Variants in MALRD1 observed in about 807,000 individuals in gnomAD.
The protein encoded by MALRD1 is MAM and LDL receptor class A domain containing 1.
A neutral mutation model predicts 242.1 loss-of-function variants in MALRD1; 247 were observed. The ratio of observed to expected loss-of-function variants is 1.02; its 90% CI spans 0.92 to 1.13. MALRD1 has a LOEUF of 1.13. Among genes scored for constraint, MALRD1 ranks in the 50% most tolerant of loss-of-function variants. MALRD1 has a pLI of 0.00. For missense variants in MALRD1, 2,989 were observed against 2,533.1 expected (o/e 1.18, Z -3.86); for synonymous variants, 995 against 866.6 (o/e 1.15, Z -2.60).
At chr10:19,072,491 G>A (rs1166436944) in intron 2 of MALRD1, among the ~76,000 whole-genome samples, 5 of 152,042 alleles carry the variant, frequency 3.3e-5, no homozygotes, top group African/African-American at 1.2e-4. Flanking sequence ...TTAACTCATA[G>A]GATATGCAAA....
chr10:19,558,912 G>A (rs574502882), intron 32 of MALRD1, among the ~76,000 whole-genome samples: 33 of 151,952 alleles, frequency 2.2e-4, no homozygotes, highest in Admixed American at 7.9e-4. Flanking sequence ...GGCTGGGTGC[G>A]GTGGCTCACA....
intron 24 of MALRD1, among the ~76,000 whole-genome samples, chr10:19,341,047 A>G (rs376532244): frequency 6.6e-6 from 1 of 152,254 alleles, no homozygotes; most frequent in South Asian, 2.1e-4. Flanking sequence ...TTCCTTGTCA[A>G]CATAAGCAAA....
intron 4 of MALRD1, among the ~76,000 whole-genome samples, chr10:19,098,887 C>T (rs1469313023): frequency 2.6e-5 from 4 of 152,050 alleles, no homozygotes; most frequent in Non-Finnish European, 4.4e-5. Flanking sequence ...CTTGAGGAAG[C>T]GGTGTCTGAT....
intron 18 of MALRD1, among the ~76,000 whole-genome samples, chr10:19,217,533 T>C (rs1048168223): frequency 8.8e-5 from 3 of 34,076 alleles, no homozygotes; most frequent in Admixed American, 5.9e-4. Flanking sequence ...TCATGCAGTC[T>C]TTTTTTTTTT....
At chr10:19,246,346 G>A (rs572076929) in intron 18 of MALRD1, among the ~76,000 whole-genome samples, 10 of 151,926 alleles carry the variant, frequency 6.6e-5, no homozygotes, top group Non-Finnish European at 1.3e-4. Context: ...TTACTTTCTG[G>A]GGATACTGTC....
At chr10:19,505,618 C>G (rs1833085192) in intron 31 of MALRD1, among the ~76,000 whole-genome samples, 1 of 152,168 alleles carries the variant, frequency 6.6e-6, no homozygotes, top group African/African-American at 2.4e-5. Flanking sequence ...GCAGTGCTAG[C>G]AGACTAATAC....
intron 13 of MALRD1, 24 bp downstream of exon 13, chr10:19,165,834 A>C (rs1052308300): frequency 8.1e-7 from 1 of 1,229,600 alleles, no homozygotes. Flanking sequence ...AAATTAATAC[A>C]ACTCAACAGA....
At chr10:19,526,838 G>C (rs1834123201) in intron 31 of MALRD1, among the ~76,000 whole-genome samples, 1 of 152,084 alleles carries the variant, frequency 6.6e-6, no homozygotes, top group Non-Finnish European at 1.5e-5. Context: ...GCAAACATTA[G>C]ATTGTATAAC....
At chr10:19,460,626 G>A (rs1450913920) in intron 29 of MALRD1, among the ~76,000 whole-genome samples, 1 of 152,102 alleles carries the variant, frequency 6.6e-6, no homozygotes, top group Non-Finnish European at 1.5e-5. Context: ...TGCTAGTACA[G>A]TTTAAAGTAT....
chr10:19,222,367 G>A (rs1043970551), intron 18 of MALRD1, among the ~76,000 whole-genome samples: 5 of 152,164 alleles, frequency 3.3e-5, no homozygotes, highest in Non-Finnish European at 7.3e-5. Flanking sequence ...CTCTCCAGCC[G>A]AGGGACGCTA....
intron 32 of MALRD1, among the ~76,000 whole-genome samples, chr10:19,545,439 A>G (rs1286988607): frequency 6.6e-6 from 1 of 152,134 alleles, no homozygotes; most frequent in African/African-American, 2.4e-5. Context: ...CTATATTGGA[A>G]AGATTGGTTG....
intron 4 of MALRD1, among the ~76,000 whole-genome samples, chr10:19,101,752 T>C (rs1836267647): frequency 7.3e-6 from 1 of 136,164 alleles, no homozygotes; most frequent in Admixed American, 7.8e-5. Flanking sequence ...ATATATAATA[T>C]ATATTATAAT....
intron 15 of MALRD1, 68 bp from the exon 16 acceptor site, chr10:19,204,240 A>G (rs1210512790): frequency 1.0e-6 from 1 of 1,002,334 alleles, no homozygotes; most frequent in Non-Finnish European, 1.5e-6. Context: ...TAGGGTTAAG[A>G]GACAGATGTC....
At chr10:19,197,458 G>A (rs981918819) in intron 14 of MALRD1, among the ~76,000 whole-genome samples, 5 of 152,038 alleles carry the variant, frequency 3.3e-5, no homozygotes, top group Admixed American at 3.3e-4. Flanking sequence ...CAAAAAAATT[G>A]AAGTGACTGT....
intron 2 of MALRD1, 24 bp downstream of exon 2, chr10:19,066,883 TC>T: frequency 8.1e-7 from 1 of 1,231,914 alleles, no homozygotes; most frequent in Non-Finnish European, 1.0e-6. Flanking sequence ...ATTTATTTTC[TC>T]CCCTCTCTCC....
intron 24 of MALRD1, among the ~76,000 whole-genome samples, chr10:19,341,013 G>T (rs1353283080): frequency 6.6e-6 from 1 of 151,984 alleles, no homozygotes; most frequent in East Asian, 1.9e-4. Context: ...TGGTGGAAGG[G>T]GGAGCTAGTA....
intron 26 of MALRD1, among the ~76,000 whole-genome samples, 191 bp downstream of exon 26, chr10:19,352,488 C>T (rs1039919173): frequency 1.7e-5 from 1 of 58,110 alleles, no homozygotes; most frequent in South Asian, 3.5e-4. Flanking sequence ...CACATTTTCT[C>T]CAAGTGTTTT....
chr10:19,625,784 G>A (rs1282737344), intron 36 of MALRD1, among the ~76,000 whole-genome samples: 1 of 152,110 alleles, frequency 6.6e-6, no homozygotes, highest in South Asian at 2.1e-4. Flanking sequence ...CTAAGTGGGA[G>A]CCACTAGTAA....
chr10:19,155,238 C>T, intron 12 of MALRD1, 66 bp downstream of exon 12: 6 of 902,408 alleles, frequency 6.6e-6, no homozygotes, highest in Non-Finnish European at 8.7e-6. Context: ...TTGGGTTACT[C>T]TGCTAGTAAT....
Sources: gnomAD v4.1 joint callset for allele counts (sites outside exome capture counted in the v4.1 genomes callset) on GRCh38, gnomAD v4.1.1 for gene constraint, MANE v1.5 for transcripts, NCBI Gene and HGNC (gene_info 2026-07-23, HGNC 2026-07-21) for gene names.